Variants in SLC17A5 observed in about 807,000 individuals in gnomAD.
The protein encoded by SLC17A5 is sialin.
A neutral mutation model predicts 59.4 loss-of-function variants in SLC17A5; 47 were observed. The ratio of observed to expected loss-of-function variants is 0.79; its 90% CI spans 0.63 to 1.01. The LOEUF is 1.01. Ranked by LOEUF, SLC17A5 falls within the 50% of genes least tolerant of loss-of-function variation. SLC17A5 has a pLI of 0.00. For synonymous variants in SLC17A5, 202 were observed against 210.7 expected (o/e 0.96, Z 0.36); for missense variants, 522 against 595.5 (o/e 0.88, Z 1.28).
intron 9 of SLC17A5, among the ~76,000 whole-genome samples, chr6:73,607,809 C>T (rs1363995402): frequency 7.2e-6 from 1 of 139,578 alleles, no homozygotes; most frequent in Non-Finnish European, 1.5e-5. Flanking sequence ...TGGAGTCTCA[C>T]TTTGTCACCC....
At chr6:73,600,530 A>C (rs1767009511) in intron 9 of SLC17A5, 89 bp from the exon 10 acceptor site, 1 of 948,648 alleles carries the variant, frequency 1.1e-6, no homozygotes, top group Non-Finnish European at 1.6e-6. Flanking sequence ...TTTTTTTGAG[A>C]CAGAGTCTCA....
chr6:73,597,946 G>C (rs116895311), intron 10 of SLC17A5, among the ~76,000 whole-genome samples: 1,811 of 152,262 alleles, frequency 0.012, 21 homozygotes, highest in Non-Finnish European at 0.017. Context: ...GGCTATACTT[G>C]TCTGAGATGA....
chr6:73,646,751 T>C (rs1222967547), intron 1 of SLC17A5, among the ~76,000 whole-genome samples: 1 of 152,098 alleles, frequency 6.6e-6, no homozygotes, highest in South Asian at 2.1e-4. Flanking sequence ...TAACTTTCTG[T>C]AACCTCGAAC....
intron 7 of SLC17A5, among the ~76,000 whole-genome samples, chr6:73,616,560 C>T (rs1344628292): frequency 8.1e-6 from 1 of 123,146 alleles, no homozygotes; most frequent in Non-Finnish European, 1.7e-5. Context: ...CACACACACA[C>T]ACACACACAC....
Position 73,635,453 on chromosome 6 carries a change from CACTA to C in SLC17A5, c.744_747del (p.Ser249ThrfsTer21), listed in dbSNP as rs753141230. On this transcript the variant is annotated frameshift_variant, in exon 6 of 11. Transcript: ENST00000355773. LOFTEE classifies it high-confidence loss of function. ...ATTCTCTTGTGTTTTTGTGGTGTGT[CACTA>C]ACTAACCAGATCCACAAAAGAAACC... 6 of 1,608,552 alleles carry C rather than the reference CACTA, an allele frequency of 3.7e-6. No individual in the cohort carries two copies. The highest frequency in any genetic ancestry group is 1.1e-5 in the South Asian group (1 of 90,550).
intron 1 of SLC17A5, among the ~76,000 whole-genome samples, chr6:73,652,739 CCGGCTGCCAGATGGAGCTATAAGG>C (rs1420460010): frequency 1.6e-4 from 5 of 31,448 alleles, no homozygotes; most frequent in Non-Finnish European, 3.9e-4. Context: ...AAATAAGCTC[CCGGCTGCCAGATGGAGCTATAAGG>C]TTGCCACCTC....
intron 6 of SLC17A5, among the ~76,000 whole-genome samples, chr6:73,634,316 G>A (rs1027806084): frequency 2.6e-5 from 4 of 152,258 alleles, no homozygotes; most frequent in Admixed American, 2.6e-4. Context: ...AATATCCCTT[G>A]TCTGAAATGC....
In SLC17A5 at chr6:73,636,641, G is replaced by C. The variant is rs2150113556; in HGVS notation, c.680C>G (p.Thr227Ser). 1 of 1,603,468 alleles carries C rather than the reference G, an allele frequency of 6.2e-7. No individual in the cohort carries two copies. The highest frequency in any genetic ancestry group is 1.7e-5 in the Admixed American group (1 of 59,992). The change falls in exon 5 of 11, where the codon ACT becomes AGT. Residue 227 changes from threonine to serine, a missense_variant. Physicochemically the swap from Thr to Ser is moderately conservative, Grantham distance 58. Around this residue, in one of 3 missense-constraint regions of SLC17A5, gnomAD observed 338 missense variants for 363.8 expected, o/e 0.93. Transcript: ENST00000355773. ...SGIICYYMNWTYVFYFFGTIG... is the reference protein window; with the variant it reads ...SGIICYYMNWSYVFYFFGTIG... ...CTTACCAAAAAAGTAGAAGACATAA[G>C]TCCAATTCATATAGTAGCAAATTAT...
intron 1 of SLC17A5, among the ~76,000 whole-genome samples, chr6:73,649,962 T>C (rs563682842): frequency 2.4e-4 from 36 of 152,224 alleles, no homozygotes; most frequent in African/African-American, 8.4e-4. Context: ...TCATAAGCAC[T>C]GCATGCCTGT....
chr6:73,648,422 G>A (rs1276097381), intron 1 of SLC17A5, among the ~76,000 whole-genome samples: 1 of 152,208 alleles, frequency 6.6e-6, no homozygotes, highest in East Asian at 1.9e-4. Context: ...ATGTGTGTGG[G>A]TGTAACTGAA....
chr6:73,651,953 C>A (rs1203164769), intron 1 of SLC17A5, among the ~76,000 whole-genome samples: 1 of 151,890 alleles, frequency 6.6e-6, no homozygotes, highest in Non-Finnish European at 1.5e-5. Flanking sequence ...TCAAAATACA[C>A]AGTATGTATG....
chr6:73,649,775 G>A (rs2150124753), intron 1 of SLC17A5, among the ~76,000 whole-genome samples: 1 of 152,158 alleles, frequency 6.6e-6, no homozygotes, highest in South Asian at 2.1e-4. Flanking sequence ...CTGGAAATTA[G>A]GAATTGAGGT....
intron 9 of SLC17A5, among the ~76,000 whole-genome samples, chr6:73,608,036 C>G (rs1470837659): frequency 6.6e-6 from 1 of 152,134 alleles, no homozygotes; most frequent in Non-Finnish European, 1.5e-5. Context: ...CTCAGCCTCC[C>G]AAAGTGTTGG....
intron 6 of SLC17A5, among the ~76,000 whole-genome samples, chr6:73,624,651 G>A (rs957905363): frequency 4.3e-4 from 66 of 152,062 alleles, no homozygotes; most frequent in African/African-American, 1.5e-3. Flanking sequence ...CGAGGCAGGC[G>A]GATCATGAGG....
At chr6:73,602,068 G>A (rs1291718060) in intron 9 of SLC17A5, among the ~76,000 whole-genome samples, 1 of 151,942 alleles carries the variant, frequency 6.6e-6, no homozygotes, top group Non-Finnish European at 1.5e-5. Flanking sequence ...GTAGACATGG[G>A]AGACTTTTCA....
In SLC17A5 at chr6:73,594,535, A is replaced by G. The variant is rs1227303558; in HGVS notation, c.*542T>C. The G allele has an allele frequency of 1.2e-5, 2 of 171,738 alleles. No homozygotes were observed. The highest frequency in any genetic ancestry group is 1.1e-4 in the Admixed American group (2 of 17,754). The allele number at this position is 171,738 out of a possible 1,614,324, so 10.6% of individuals were successfully genotyped here. A position where few individuals can be genotyped will look rare whatever the true frequency, so the allele number is the denominator to read the frequency against. On this transcript the variant is annotated 3_prime_UTR_variant, in exon 11 of 11. Coordinates refer to ENST00000355773, the MANE Select transcript of SLC17A5 (RefSeq NM_012434.5). ...ATGCTGCCTCTGATAAACGCTGGGC[A>G]CTCTGACCCTGAAGCCAGGGAGGGA...
rs540516377 is a variant in SLC17A5 at position 73,653,602 on chromosome 6, G to A, written c.94+191C>T. The A allele has an allele frequency of 9.7e-5, 60 of 621,674 alleles. No homozygotes were observed. In the East Asian group the frequency reaches 2.3e-3, roughly 23 times the overall value. 38.5% of individuals were successfully genotyped at this position (621,674 alleles called of 1,614,324 possible). ...GGTCGCGGCCCCCGGGGTTCCCGAG[G>A]GGCTTCTGCGCACCGAGGCAGGCGG... On this transcript the variant is annotated intron_variant, in intron 1 of 10. Coordinates refer to ENST00000355773, the MANE Select transcript of SLC17A5 (RefSeq NM_012434.5).
intron 10 of SLC17A5, among the ~76,000 whole-genome samples, chr6:73,596,554 A>G (rs1173628565): frequency 1.3e-5 from 2 of 152,226 alleles, no homozygotes; most frequent in Non-Finnish European, 2.9e-5. Context: ...CTACATTTGC[A>G]GCATTAACTA....
At chr6:73,641,969 C>A (rs1406824950) in intron 2 of SLC17A5, 45 bp from the exon 3 acceptor site, 1 of 1,492,450 alleles carries the variant, frequency 6.7e-7, no homozygotes. Context: ...AAGACCTTCA[C>A]AGAGCAGCTC....
Sources: gnomAD v4.1 joint callset for allele counts (sites outside exome capture counted in the v4.1 genomes callset) on GRCh38, gnomAD v4.1.1 for gene constraint, gnomAD v4.1.1 regional missense constraint, MANE v1.5 for transcripts, NCBI Gene and HGNC (gene_info 2026-07-23, HGNC 2026-07-21) for gene names.